Variants in CTNS observed in about 807,000 individuals in gnomAD.
The protein encoded by CTNS is cystinosin.
Under a neutral mutation model 43.7 loss-of-function variants are expected in CTNS, and 27 were observed. That is an observed-to-expected ratio of 0.62 (90% CI 0.46 to 0.85). The LOEUF is 0.85. CTNS is among the 40% of genes least tolerant of loss of function. The pLI, the probability that CTNS is intolerant of heterozygous loss-of-function variation, is 0.00. For missense variants in CTNS, 457 were observed against 475.4 expected, an observed-to-expected ratio of 0.96 and a Z score of 0.36; for synonymous variants, 187 against 190.6, an observed-to-expected ratio of 0.98 and a Z score of 0.16.
intron 9 of CTNS, among the ~76,000 whole-genome samples, chr17:3,657,228 CAG>C (rs1019315964): frequency 2.9e-4 from 44 of 152,294 alleles, no homozygotes; most frequent in African/African-American, 1.0e-3. Flanking sequence ...GGTCAGGTCA[CAG>C]AGGCCAAGGG....
At chr17:3,655,500 C>G in intron 7 of CTNS, 148 bp downstream of exon 7, 1 of 1,228,210 alleles carries the variant, frequency 8.1e-7, no homozygotes, top group Admixed American at 1.8e-5. Context: ...TGCGAAGGCT[C>G]GGAGAGCCTG....
At chr17:3,659,374 G>A (rs769319960) in intron 10 of CTNS, among the ~76,000 whole-genome samples, 5 of 152,202 alleles carry the variant, frequency 3.3e-5, no homozygotes, top group Non-Finnish European at 7.3e-5. Context: ...GGGAAACCAA[G>A]GCTAGGAGAA....
chr17:3,647,450 G>A lies in CTNS; in HGVS notation c.68G>A (p.Ser23Asn). The A allele has an allele frequency of 6.2e-7, 1 of 1,614,056 alleles. No homozygotes were observed. The highest frequency in any genetic ancestry group is 8.5e-7 in the Non-Finnish European group (1 of 1,179,918). Residue 23 changes from serine (S) to asparagine (N), a missense_variant, in exon 4 of 12, where the codon AGC (serine) becomes AAC (asparagine). Transcript: ENST00000046640. ...TTGATTTGGGTCCTTCCAGAGTCAAGCGTCAGCCTCACTGTTCCTCCTGTC... is the reference window on the plus strand; with the variant it reads ...TTGATTTGGGTCCTTCCAGAGTCAAACGTCAGCCTCACTGTTCCTCCTGTC... Reference protein sequence around the residue: ...PLKLVEKCESSVSLTVPPVVK... With the variant: ...PLKLVEKCESNVSLTVPPVVK...
At position 3,660,629 on chromosome 17, in the gene CTNS, G is replaced by T. The variant is rs141629138; in HGVS notation, c.*260G>T. On this transcript the variant is annotated 3_prime_UTR_variant, in exon 12 of 12. Coordinates refer to ENST00000046640, the MANE Select transcript of CTNS (RefSeq NM_004937.3). ...TCTTTTCTTTAAGGCTTCAGGCAGC[G>T]CGCACAGGCTCTGGCAGCCGTCTCA... 6 of 1,613,520 alleles carry T rather than the reference G, an allele frequency of 3.7e-6. No individual in the cohort carries two copies. Among genetic ancestry groups the T allele is most frequent in the Non-Finnish European group, 5.1e-6 (6 of 1,180,026 alleles).
chr17:3,655,628 G>A (rs1188308162), intron 7 of CTNS: 3 of 453,564 alleles, frequency 6.6e-6, no homozygotes, highest in Non-Finnish European at 1.2e-5. Flanking sequence ...GGGGAGGGAG[G>A]GCAGTCCATC....
At chr17:3,656,976 G>C in intron 9 of CTNS, 181 bp downstream of exon 9, 1 of 935,588 alleles carries the variant, frequency 1.1e-6, no homozygotes, top group Non-Finnish European at 1.6e-6. Context: ...CAAGTCTGGG[G>C]TGAGGGACTC....
Position 3,640,265 on chromosome 17 carries a change from G to A in CTNS, c.59G>A (p.Cys20Tyr). Reference protein sequence around the residue: ...ILFPLKLVEKCESSVSLTVPP... With the variant: ...ILFPLKLVEKYESSVSLTVPP... ...TTTCCCCTGAAGCTCGTAGAGAAAT[G>A]TGGTAAGTTTAGAAATGACACGTCA... is the stretch of plus-strand genomic sequence containing the variant. Residue 20 changes from cysteine to tyrosine, a missense_variant and splice_region_variant, in exon 3 of 12, where the codon TGT (cysteine) becomes TAT (tyrosine). Cys to Tyr is a radical substitution (Grantham distance 194). Transcript: ENST00000046640. 3.1e-6 allele frequency: 5 copies of A among 1,613,834 alleles called. No individual in the cohort carries two copies. The highest frequency in any genetic ancestry group is 4.2e-6 in the Non-Finnish European group (5 of 1,179,700).
Position 3,647,448 on chromosome 17 carries a change from A to C in CTNS, c.66A>C (p.Ser22=), listed in dbSNP as rs748125070. 7 of 1,614,006 alleles carry C rather than the reference A, an allele frequency of 4.3e-6. 1 individual carries two copies. The Admixed American group carries it at 1.2e-4, about 27-fold the overall frequency. The change falls in exon 4 of 12, where the codon TCA becomes TCC. Residue 22 remains serine (S), a synonymous_variant. Transcript: ENST00000046640. ...CATTGATTTGGGTCCTTCCAGAGTCAAGCGTCAGCCTCACTGTTCCTCCTG... is the reference window on the plus strand; with the variant it reads ...CATTGATTTGGGTCCTTCCAGAGTCCAGCGTCAGCCTCACTGTTCCTCCTG... ...FPLKLVEKCE[S]SVSLTVPPVV... is the part of the protein sequence containing the mutation.
chr17:3,639,733 G>A (rs1323546573), intron 2 of CTNS, among the ~76,000 whole-genome samples: 1 of 151,822 alleles, frequency 6.6e-6, no homozygotes, highest in Middle Eastern at 3.2e-3. Flanking sequence ...AGGGTCAGTT[G>A]GTGTCATCAG....
chr17:3,661,645 C>G lies in CTNS; in HGVS notation c.*1276C>G, dbSNP rs948475343. 2 of 152,260 alleles carry G rather than the reference C, an allele frequency of 1.3e-5. No individual in the cohort carries two copies. The highest frequency in any genetic ancestry group is 4.8e-5 in the African/African-American group (2 of 41,464). 9.4% of individuals were successfully genotyped at this position (152,260 alleles called of 1,614,324 possible). A position where few individuals can be genotyped will look rare whatever the true frequency, so the allele number is the denominator to read the frequency against. On this transcript the variant is annotated 3_prime_UTR_variant, in exon 12 of 12. Transcript: ENST00000046640. The stretch of plus-strand genomic sequence containing the variant: ...CATAAGGTTGTGAAGGTCACTGACC[C>G]GAGAGCGCTGCGTGCTGACCCCACA...
At position 3,659,302 on chromosome 17, in the gene CTNS, C is replaced by A. The variant is rs978681343; in HGVS notation, c.853-556C>A. Among the ~76,000 whole-genome samples the A allele has an allele frequency of 6.6e-5, 10 of 152,298 alleles. No homozygotes were observed. In the East Asian group the frequency reaches 9.7e-4, roughly 15 times the overall value. The stretch of plus-strand genomic sequence containing the variant: ...GGCGCATCCCCGCAGACCCGCCCCC[C>A]CAACCAGACCCAGGAAGCCCCGGCC... On this transcript the variant is annotated intron_variant, in intron 10 of 11. Transcript: ENST00000046640.
intron 3 of CTNS, among the ~76,000 whole-genome samples, chr17:3,643,836 G>C (rs1422356195): frequency 6.6e-6 from 1 of 152,126 alleles, no homozygotes; most frequent in African/African-American, 2.4e-5. Flanking sequence ...CAAAGTGCTG[G>C]GATTACAGGC....
At position 3,656,478 on chromosome 17, in the gene CTNS, C is replaced by T; in HGVS notation, c.462-9C>T. 1 of 1,582,710 alleles carries T rather than the reference C, an allele frequency of 6.3e-7. No individual in the cohort carries two copies. On this transcript the variant is annotated splice_polypyrimidine_tract_variant and intron_variant, in intron 7 of 11. Coordinates refer to ENST00000046640, the MANE Select transcript of CTNS (RefSeq NM_004937.3). ...CCCCTGCCCTGTCTTGTCCCTCCACCCCCTGCAGTGTCATTGGTCTGAGCT... is the reference window on the plus strand; with the variant it reads ...CCCCTGCCCTGTCTTGTCCCTCCACTCCCTGCAGTGTCATTGGTCTGAGCT...
At chr17:3,652,755 G>A (rs970107102) in intron 5 of CTNS, among the ~76,000 whole-genome samples, 1 of 152,124 alleles carries the variant, frequency 6.6e-6, no homozygotes, top group South Asian at 2.1e-4. Context: ...TGCAAGCAAC[G>A]TTGCAAGGAA....
intron 5 of CTNS, among the ~76,000 whole-genome samples, chr17:3,652,202 C>T (rs1316034767): frequency 6.6e-6 from 1 of 152,178 alleles, no homozygotes; most frequent in Non-Finnish European, 1.5e-5. Context: ...TAAGGCACTT[C>T]ACCCCAATAT....
Position 3,662,293 on chromosome 17 carries a change from A to G in CTNS, c.*1924A>G, listed in dbSNP as rs1343391624. ...GCCATTGCACTCCAGCCTGGGCAAC[A>G]AGAACGAAACTCCATCTCAAAAAAA... On this transcript the variant is annotated 3_prime_UTR_variant, in exon 12 of 12. Transcript: ENST00000046640. Among the ~76,000 whole-genome samples, 1 of 146,218 alleles carries G rather than the reference A, an allele frequency of 6.8e-6. No homozygotes were observed. Among genetic ancestry groups the G allele is most frequent in the Non-Finnish European group, 1.5e-5 (1 of 66,696 alleles).
intron 3 of CTNS, among the ~76,000 whole-genome samples, chr17:3,642,828 T>C (rs1035797359): frequency 2.0e-5 from 3 of 152,316 alleles, no homozygotes; most frequent in East Asian, 1.9e-4. Context: ...GATGAGATGA[T>C]TGGCCTTCAG....
rs79817200 is a variant in CTNS at position 3,650,715 on chromosome 17, G to A, written c.225+1784G>A. On this transcript the variant is annotated intron_variant, in intron 5 of 11. Transcript: ENST00000046640. ...ATCCACAGATTAAATTCTGACTCTG[G>A]GAGGAACAGATGCTGATTGCTTCGT... Among the ~76,000 whole-genome samples, 549 of 152,214 alleles carry A rather than the reference G, an allele frequency of 3.6e-3. 19 individuals are homozygous for A. In the East Asian group the frequency reaches 0.064, roughly 18 times the overall value.
intron 3 of CTNS, among the ~76,000 whole-genome samples, chr17:3,644,888 G>A (rs1188232635): frequency 1.3e-5 from 2 of 152,156 alleles, no homozygotes; most frequent in Admixed American, 6.5e-5. Flanking sequence ...GGTGTGAGCC[G>A]CTGTGCCCGG....
Sources: gnomAD v4.1 joint callset for allele counts (sites outside exome capture counted in the v4.1 genomes callset) on GRCh38, gnomAD v4.1.1 for gene constraint, MANE v1.5 for transcripts, NCBI Gene and HGNC (gene_info 2026-07-23, HGNC 2026-07-21) for gene names.